Variants in GRM7 observed in about 807,000 individuals in gnomAD.
GRM7 encodes the protein glutamate metabotropic receptor 7, also known as metabotropic glutamate receptor 7.
GRM7 carries 35 observed loss-of-function variants against 84.5 expected under a neutral mutation model. The observed-to-expected ratio is 0.41, with a 90% CI of 0.32 to 0.55. GRM7 has a LOEUF of 0.55. Among genes scored for constraint, GRM7 ranks in the 20% least tolerant of loss-of-function variants. The pLI is 0.19. For missense variants in GRM7, 1,003 were observed against 1,194.6 expected (o/e 0.84, Z 2.36); for synonymous variants, 487 against 455.1 (o/e 1.07, Z -0.89).
At chr3:6,930,621 A>G (rs1410345116) in intron 1 of GRM7, among the ~76,000 whole-genome samples, 1 of 151,724 alleles carries the variant, frequency 6.6e-6, no homozygotes, top group Non-Finnish European at 1.5e-5. Flanking sequence ...GGTTCACCCA[A>G]TGCAGGTGGG....
At chr3:6,993,360 A>G (rs1039207284) in intron 1 of GRM7, among the ~76,000 whole-genome samples, 1 of 152,224 alleles carries the variant, frequency 6.6e-6, no homozygotes, top group African/African-American at 2.4e-5. Context: ...AGGAGCAGGT[A>G]TGATACAAGC....
chr3:7,484,649 T>C (rs1699255875), intron 7 of GRM7, among the ~76,000 whole-genome samples: 1 of 152,200 alleles, frequency 6.6e-6, no homozygotes, highest in Non-Finnish European at 1.5e-5. Flanking sequence ...TTCTTAGAAC[T>C]GGAATACAAT....
At chr3:7,490,801 G>C (rs1490581050) in intron 7 of GRM7, among the ~76,000 whole-genome samples, 1 of 152,038 alleles carries the variant, frequency 6.6e-6, no homozygotes, top group Non-Finnish European at 1.5e-5. Flanking sequence ...TGGTAGCTGT[G>C]TAAAGTATGA....
At chr3:7,076,392 C>T (rs73029540) in intron 1 of GRM7, among the ~76,000 whole-genome samples, 6 of 151,958 alleles carry the variant, frequency 3.9e-5, no homozygotes, top group African/African-American at 1.2e-4. Flanking sequence ...CAGTTTCCCC[C>T]ATGCTGTTCT....
intron 2 of GRM7, among the ~76,000 whole-genome samples, chr3:7,262,474 T>G (rs1698469238): frequency 6.6e-6 from 1 of 152,192 alleles, no homozygotes; most frequent in Non-Finnish European, 1.5e-5. Context: ...TTTTCTATAC[T>G]GGCTTTTTTG....
At chr3:7,073,791 T>A (rs977250814) in intron 1 of GRM7, among the ~76,000 whole-genome samples, 2 of 152,290 alleles carry the variant, frequency 1.3e-5, no homozygotes, top group East Asian at 3.9e-4. Context: ...CTGACCCTCA[T>A]GTACAAAGAA....
chr3:7,667,300 A>G (rs1699744170), intron 8 of GRM7, among the ~76,000 whole-genome samples: 1 of 151,520 alleles, frequency 6.6e-6, no homozygotes, highest in African/African-American at 2.4e-5. Context: ...GAGAGAGAGA[A>G]AAGATAAGCA....
chr3:7,043,698 A>AC (rs1430931406), intron 1 of GRM7, among the ~76,000 whole-genome samples: 2 of 152,164 alleles, frequency 1.3e-5, no homozygotes, highest in African/African-American at 4.8e-5. Flanking sequence ...AACATCCCAC[A>AC]CATAATGCAC....
intron 9 of GRM7, chr3:7,680,941 A>G (rs1700343239): frequency 1.3e-5 from 2 of 152,618 alleles, no homozygotes; most frequent in African/African-American, 4.8e-5. Context: ...ATTGGATTTA[A>G]GATGCTATTA....
chr3:7,328,499 C>T (rs1451794710), intron 4 of GRM7, among the ~76,000 whole-genome samples: 2 of 152,172 alleles, frequency 1.3e-5, no homozygotes, highest in Admixed American at 1.3e-4. Context: ...AACCTTGACC[C>T]CTTCTCTATA....
chr3:7,549,829 C>T (rs1693360276), intron 7 of GRM7, among the ~76,000 whole-genome samples: 1 of 152,142 alleles, frequency 6.6e-6, no homozygotes, highest in Admixed American at 6.5e-5. Context: ...AAAAGATATG[C>T]ATCTGTAATG....
intron 1 of GRM7, among the ~76,000 whole-genome samples, chr3:7,083,295 G>A (rs1328965965): frequency 6.6e-6 from 1 of 152,122 alleles, no homozygotes; most frequent in Non-Finnish European, 1.5e-5. Flanking sequence ...GCTTGCTGAA[G>A]GCTCAGATGA....
At chr3:7,197,767 C>A (rs536703611) in intron 2 of GRM7, among the ~76,000 whole-genome samples, 1 of 151,614 alleles carries the variant, frequency 6.6e-6, no homozygotes, top group South Asian at 2.1e-4. Flanking sequence ...ATCTTATAGG[C>A]CAGTTAGTGG....
intron 9 of GRM7, among the ~76,000 whole-genome samples, chr3:7,719,779 A>AACAC (rs71043692): frequency 0.031 from 4,091 of 133,416 alleles, 74 homozygotes; most frequent in Middle Eastern, 0.048. Context: ...ACCACTGGGC[A>AACAC]ACACACACAC....
intron 1 of GRM7, among the ~76,000 whole-genome samples, chr3:6,932,829 A>C (rs1255025719): frequency 1.5e-5 from 2 of 137,206 alleles, no homozygotes; most frequent in African/African-American, 2.8e-5. Context: ...ATCTCGGCTC[A>C]CTGCAATCTT....
intron 2 of GRM7, among the ~76,000 whole-genome samples, chr3:7,268,610 A>G (rs1483822907): frequency 1.3e-5 from 2 of 152,146 alleles, no homozygotes; most frequent in African/African-American, 2.4e-5. Context: ...TTTTATTCTG[A>G]TGAGCTGAGC....
At chr3:6,967,672 AACAACG>A (rs1373995664) in intron 1 of GRM7, among the ~76,000 whole-genome samples, 5 of 152,226 alleles carry the variant, frequency 3.3e-5, no homozygotes, top group Admixed American at 6.5e-5. Flanking sequence ...AATAAGGATG[AACAACG>A]TTATATATTG....
At chr3:7,131,174 G>C (rs1693586349) in intron 1 of GRM7, among the ~76,000 whole-genome samples, 2 of 152,282 alleles carry the variant, frequency 1.3e-5, no homozygotes, top group Non-Finnish European at 2.9e-5. Context: ...TCTGTGATCT[G>C]TAGGCAGAAG....
intron 4 of GRM7, among the ~76,000 whole-genome samples, chr3:7,342,583 C>A (rs143662692): frequency 1.3e-5 from 2 of 152,276 alleles, no homozygotes; most frequent in East Asian, 3.9e-4. Context: ...CTGTACTAAT[C>A]ATTTCCAAAC....
Sources: gnomAD v4.1 joint callset for allele counts (sites outside exome capture counted in the v4.1 genomes callset) on GRCh38, gnomAD v4.1.1 for gene constraint, MANE v1.5 for transcripts, NCBI Gene and HGNC (gene_info 2026-07-23, HGNC 2026-07-21) for gene names.